The following CNTNAP2 variants were observed in gnomAD, a reference collection of about 807,000 sequenced individuals.
CNTNAP2 encodes contactin associated protein 2, also known as contactin-associated protein-like 2.
A neutral mutation model predicts 155.2 loss-of-function variants in CNTNAP2; 98 were observed. That is an observed-to-expected ratio of 0.63 (90% CI 0.54 to 0.75). CNTNAP2 has a LOEUF of 0.75. CNTNAP2 is among the 30% of genes least tolerant of loss of function. The pLI is 0.00. For synonymous variants in CNTNAP2, 651 were observed against 631.2 expected (o/e 1.03, Z -0.47); for missense variants, 1,727 against 1,688.1 (o/e 1.02, Z -0.40).
intron 1 of CNTNAP2, among the ~76,000 whole-genome samples, chr7:146,711,868 T>G (rs1201232645): frequency 1.9e-5 from 2 of 105,660 alleles, no homozygotes; most frequent in Non-Finnish European, 3.3e-5. Flanking sequence ...ACATCTTATG[T>G]ATACAATATA....
At chr7:147,898,736 T>C (rs1455322269) in intron 13 of CNTNAP2, among the ~76,000 whole-genome samples, 2 of 152,120 alleles carry the variant, frequency 1.3e-5, no homozygotes, top group Non-Finnish European at 2.9e-5. Context: ...GCCAGGCTGA[T>C]CTTGAACTCC....
At chr7:147,933,544 T>TAGATAG (rs1563140060) in intron 14 of CNTNAP2, among the ~76,000 whole-genome samples, 1 of 77,404 alleles carries the variant, frequency 1.3e-5, no homozygotes, top group Non-Finnish European at 3.4e-5. Flanking sequence ...TAGATAGATA[T>TAGATAG]AACAGAATAT....
chr7:147,512,867 TGTATG>T (rs2116692652), intron 11 of CNTNAP2, among the ~76,000 whole-genome samples: 1 of 152,268 alleles, frequency 6.6e-6, no homozygotes, highest in African/African-American at 2.4e-5. Context: ...CATCAATAGT[TGTATG>T]GTAAAATAAA....
chr7:146,371,845 G>A (rs1357516745), intron 1 of CNTNAP2, among the ~76,000 whole-genome samples: 1 of 151,868 alleles, frequency 6.6e-6, no homozygotes, highest in Non-Finnish European at 1.5e-5. Flanking sequence ...TGTAATCCAA[G>A]CTACTCGTGA....
intron 5 of CNTNAP2, among the ~76,000 whole-genome samples, chr7:147,113,907 G>A (rs1394268322): frequency 6.6e-6 from 1 of 152,110 alleles, no homozygotes; most frequent in Non-Finnish European, 1.5e-5. Flanking sequence ...TGTGATGCTA[G>A]GTTGCTAACT....
chr7:147,796,596 A>G (rs1190042038), intron 13 of CNTNAP2, among the ~76,000 whole-genome samples: 5 of 151,508 alleles, frequency 3.3e-5, no homozygotes, highest in Admixed American at 2.6e-4. Context: ...AAAAAAAAAC[A>G]TAAAACATGT....
At chr7:146,384,904 A>T (rs551143808) in intron 1 of CNTNAP2, among the ~76,000 whole-genome samples, 3 of 152,292 alleles carry the variant, frequency 2.0e-5, no homozygotes, top group Non-Finnish European at 4.4e-5. Context: ...GAGCATAATA[A>T]TAATTGAGGG....
At chr7:147,212,266 C>T (rs1271134241) in intron 8 of CNTNAP2, among the ~76,000 whole-genome samples, 2 of 152,038 alleles carry the variant, frequency 1.3e-5, no homozygotes, top group Non-Finnish European at 2.9e-5. Context: ...GAAAACATAT[C>T]ATTTTACCAA....
At chr7:147,140,190 C>A (rs1399703592) in intron 8 of CNTNAP2, among the ~76,000 whole-genome samples, 6 of 152,076 alleles carry the variant, frequency 3.9e-5, no homozygotes, top group African/African-American at 1.4e-4. Flanking sequence ...GATGACCTGC[C>A]TAGATGTCTG....
intron 20 of CNTNAP2, among the ~76,000 whole-genome samples, chr7:148,234,082 T>C (rs2116786704): frequency 6.6e-6 from 1 of 152,326 alleles, no homozygotes; most frequent in South Asian, 2.1e-4. Context: ...CTCTTTTCTT[T>C]ATAAATTACC....
At chr7:146,598,833 G>C (rs1449543063) in intron 1 of CNTNAP2, among the ~76,000 whole-genome samples, 1 of 151,970 alleles carries the variant, frequency 6.6e-6, no homozygotes, top group African/African-American at 2.4e-5. Context: ...ACTCAGAACT[G>C]TTTCCCAAAC....
At chr7:146,576,807 A>G (rs993099603) in intron 1 of CNTNAP2, among the ~76,000 whole-genome samples, 34 of 152,182 alleles carry the variant, frequency 2.2e-4, no homozygotes, top group African/African-American at 7.0e-4. Context: ...TCGATGGATC[A>G]TGACCATTTT....
At chr7:146,770,597 A>C (rs905989153) in intron 1 of CNTNAP2, among the ~76,000 whole-genome samples, 6 of 151,918 alleles carry the variant, frequency 3.9e-5, no homozygotes, top group Non-Finnish European at 8.8e-5. Context: ...ACTAAGCTCA[A>C]TTTAATTCTA....
At chr7:146,274,174 G>A (rs1800128415) in intron 1 of CNTNAP2, among the ~76,000 whole-genome samples, 1 of 152,156 alleles carries the variant, frequency 6.6e-6, no homozygotes. Context: ...GTGACACATA[G>A]CGCCTGAAGG....
At chr7:148,311,571 G>A (rs1019832523) in intron 21 of CNTNAP2, among the ~76,000 whole-genome samples, 2 of 152,188 alleles carry the variant, frequency 1.3e-5, no homozygotes, top group African/African-American at 4.8e-5. Flanking sequence ...AGAGTTGCCA[G>A]TCCTGGGCGG....
chr7:148,372,810 A>G (rs1798913341), intron 21 of CNTNAP2, among the ~76,000 whole-genome samples: 1 of 152,138 alleles, frequency 6.6e-6, no homozygotes, highest in Non-Finnish European at 1.5e-5. Flanking sequence ...ACTTTTTCAT[A>G]TTTTTGTCTA....
chr7:148,070,104 T>A (rs898638552), intron 15 of CNTNAP2, among the ~76,000 whole-genome samples: 1 of 152,188 alleles, frequency 6.6e-6, no homozygotes, highest in African/African-American at 2.4e-5. Flanking sequence ...AACTAATATA[T>A]TATCTGCTAA....
At chr7:147,373,140 GA>G (rs1796376574) in intron 9 of CNTNAP2, among the ~76,000 whole-genome samples, 2 of 152,124 alleles carry the variant, frequency 1.3e-5, no homozygotes, top group Admixed American at 1.3e-4. Flanking sequence ...ATTTCATGAG[GA>G]ATAGTCAAAT....
At chr7:146,765,539 A>G (rs1405362284) in intron 1 of CNTNAP2, among the ~76,000 whole-genome samples, 1 of 152,158 alleles carries the variant, frequency 6.6e-6, no homozygotes, top group African/African-American at 2.4e-5. Context: ...GCTCTCTGCA[A>G]GGTTGTGTTA....
Sources: allele counts gnomAD v4.1 joint callset (sites outside exome capture counted in the v4.1 genomes callset), GRCh38; gene constraint gnomAD v4.1.1; transcripts MANE v1.5; gene names NCBI Gene and HGNC (gene_info 2026-07-23, HGNC 2026-07-21).